Variants in KNL1 observed in about 807,000 individuals in gnomAD.
KNL1 encodes the protein outer kinetochore KNL1 complex subunit KNL1.
In KNL1, 66 loss-of-function variants were observed where a neutral mutation model predicts 201.3. The ratio of observed to expected loss-of-function variants is 0.33; its 90% CI spans 0.27 to 0.40. The LOEUF is 0.40. KNL1 is among the 10% of genes least tolerant of loss of function. The probability of loss-of-function intolerance (pLI) is 1.00; values close to 1 mark genes in which losing one functional copy is unlikely to be tolerated. For missense variants in KNL1, 2,815 were observed against 2,690.5 expected (o/e 1.05, Z -1.02); for synonymous variants, 895 against 899.2 (o/e 1.00, Z 0.08).
At chr15:40,595,883 ACT>A (rs1273272251) in intron 1 of KNL1, among the ~76,000 whole-genome samples, 2 of 152,134 alleles carry the variant, frequency 1.3e-5, no homozygotes, top group African/African-American at 4.8e-5. Flanking sequence ...GAAAATACTA[ACT>A]CTAGATATCG....
At position 40,625,481 on chromosome 15, in the gene KNL1, T is replaced by G; in HGVS notation, c.5217T>G (p.Ile1739Met). 1 of 1,613,834 alleles carries G rather than the reference T, an allele frequency of 6.2e-7. No homozygotes were observed. The highest frequency in any genetic ancestry group is 8.5e-7 in the Non-Finnish European group (1 of 1,179,966). ...TAGAAACTGAGGAAAAGGCCTTGAT[T>G]GAGACATACCAAAAAGAGATTTCAC... is the stretch of plus-strand genomic sequence containing the variant. ...INIETEEKALIETYQKEISPY... is the reference protein window; with the variant it reads ...INIETEEKALMETYQKEISPY... Residue 1739 changes from isoleucine to methionine, a missense_variant, in exon 10 of 26, where the codon ATT becomes ATG. This residue lies in a region of KNL1 where 2,464 missense variants were observed against 2,291.7 expected (regional missense o/e 1.08). Transcript: ENST00000399668.
chr15:40,607,092 G>A (rs954688945), intron 4 of KNL1, among the ~76,000 whole-genome samples: 1 of 152,152 alleles, frequency 6.6e-6, no homozygotes, highest in Non-Finnish European at 1.5e-5. Context: ...TATAGACAGG[G>A]TCTTGCTATG....
At chr15:40,658,091 C>A (rs1893786751) in intron 24 of KNL1, among the ~76,000 whole-genome samples, 1 of 151,964 alleles carries the variant, frequency 6.6e-6, no homozygotes. Flanking sequence ...TATGGTGAAA[C>A]CCCGTCTCTA....
At chr15:40,660,074 G>A (rs1248399219) in intron 25 of KNL1, among the ~76,000 whole-genome samples, 1 of 151,784 alleles carries the variant, frequency 6.6e-6, no homozygotes, top group Admixed American at 6.6e-5. Flanking sequence ...ACCACACCTA[G>A]CTAATTTTTG....
At chr15:40,615,762 C>CTT (rs746991512) in intron 8 of KNL1, 6 of 133,796 alleles carry the variant, frequency 4.5e-5, no homozygotes, top group Non-Finnish European at 6.5e-5. Context: ...GAGCTTTGTT[C>CTT]TTTTTTTTTT....
At chr15:40,645,608 C>G (rs755958895) in intron 15 of KNL1, 48 bp from the exon 16 acceptor site, 4 of 1,046,356 alleles carry the variant, frequency 3.8e-6, no homozygotes, top group South Asian at 1.6e-5. Context: ...TTTACCTCTT[C>G]TGACTCGTTT....
intron 10 of KNL1, among the ~76,000 whole-genome samples, chr15:40,626,779 C>T (rs938752236): frequency 7.2e-5 from 11 of 152,086 alleles, no homozygotes; most frequent in African/African-American, 2.4e-4. Flanking sequence ...GAGGTTTCAC[C>T]ACGTTGGCCA....
intron 21 of KNL1, among the ~76,000 whole-genome samples, chr15:40,652,656 G>A (rs1231616802): frequency 2.6e-5 from 4 of 151,210 alleles, no homozygotes; most frequent in Admixed American, 6.6e-5. Flanking sequence ...CTAGTTACTC[G>A]GGAGGCTGAG....
At chr15:40,605,656 C>T (rs1891947397) in intron 3 of KNL1, among the ~76,000 whole-genome samples, 1 of 152,106 alleles carries the variant, frequency 6.6e-6, no homozygotes, top group South Asian at 2.1e-4. Flanking sequence ...TGCCATGTTG[C>T]CCAGGCTGGT....
At chr15:40,602,326 C>CG (rs1891830497) in intron 1 of KNL1, among the ~76,000 whole-genome samples, 1 of 143,710 alleles carries the variant, frequency 7.0e-6, no homozygotes. Flanking sequence ...TCAGTAGAGA[C>CG]GGGGTTTCAC....
chr15:40,597,268 C>T (rs1031996730), intron 1 of KNL1, among the ~76,000 whole-genome samples: 2 of 151,202 alleles, frequency 1.3e-5, no homozygotes, highest in African/African-American at 2.4e-5. Context: ...TTTTTCTTTT[C>T]GAGACAGAGT....
At position 40,623,546 on chromosome 15, in the gene KNL1, G is replaced by A. The variant is rs1309544647; in HGVS notation, c.3282G>A (p.Val1094=). 1.9e-6 allele frequency: 3 copies of A among 1,613,558 alleles called. No homozygotes were observed. The highest frequency in any genetic ancestry group is 2.5e-6 in the Non-Finnish European group (3 of 1,179,920). The change falls in exon 10 of 26, where the codon GTG becomes GTA. Residue 1094 remains valine, a synonymous_variant. Transcript: ENST00000399668. The part of the protein sequence containing the change: ...NDMDITQSCM[V]EIDNESALED... ...TGGATATTACCCAGAGTTGTATGGT[G>A]GAAATAGATAACGAAAGTGCCCTGG...
At position 40,662,918 on chromosome 15, in the gene KNL1, C is replaced by G. The variant is rs1893951062; in HGVS notation, c.*730C>G. 2 of 180,682 alleles carry G rather than the reference C, an allele frequency of 1.1e-5. No individual in the cohort carries two copies. Among genetic ancestry groups the G allele is most frequent in the Non-Finnish European group, 2.4e-5 (2 of 84,666 alleles). The allele number at this position is 180,682 out of a possible 1,614,324, so 11.2% of individuals were successfully genotyped here. A position where few individuals can be genotyped will look rare whatever the true frequency, so the allele number is the denominator to read the frequency against. On this transcript the variant is annotated 3_prime_UTR_variant, in exon 26 of 26. Coordinates refer to ENST00000399668, the MANE Select transcript of KNL1 (RefSeq NM_144508.5). ...GAGGTTGCAGTAAGCCGAGACCATT[C>G]CACTGCACTCCAGCCTAGGCAACAG... is the stretch of plus-strand genomic sequence containing the variant.
At chr15:40,636,660 C>T (rs1479690299) in intron 13 of KNL1, among the ~76,000 whole-genome samples, 1 of 151,986 alleles carries the variant, frequency 6.6e-6, no homozygotes, top group African/African-American at 2.4e-5. Context: ...GAAACCCCCC[C>T]TCTACCAAAA....
Position 40,616,704 on chromosome 15 carries a change from A to G in KNL1, c.322+1326A>G, listed in dbSNP as rs569139461. ...TTCTTATCCTTCCAATCCATTCTCCATATTTCTAAATTTGATTATGTTACC... is the reference window on the plus strand; with the variant it reads ...TTCTTATCCTTCCAATCCATTCTCCGTATTTCTAAATTTGATTATGTTACC... On this transcript the variant is annotated intron_variant, in intron 8 of 25. Transcript: ENST00000399668. Among the ~76,000 whole-genome samples, 130 of 152,158 alleles carry G rather than the reference A, an allele frequency of 8.5e-4. 2 individuals are homozygous for G. The South Asian group carries it at 0.026, about 31-fold the overall frequency.
At chr15:40,640,089 T>A (rs1444700520) in intron 13 of KNL1, among the ~76,000 whole-genome samples, 2 of 150,224 alleles carry the variant, frequency 1.3e-5, no homozygotes, top group Non-Finnish European at 3.0e-5. Context: ...TTTTTTCTTT[T>A]TTTCTTTTCT....
chr15:40,631,718 A>G (rs893291603), intron 13 of KNL1, among the ~76,000 whole-genome samples: 1 of 152,134 alleles, frequency 6.6e-6, no homozygotes, highest in African/African-American at 2.4e-5. Flanking sequence ...GTTGGAGAGG[A>G]TAAATCCAGG....
In KNL1 at chr15:40,650,591, T is replaced by C. The variant is rs1233641824; in HGVS notation, c.6212+8T>C. On this transcript the variant is annotated splice_region_variant and intron_variant, in intron 19 of 25. Transcript: ENST00000399668. ...AGAAGAGGAGCTTCAAAGGTCAGCC[T>C]TCAATCCAAGTGTTAGAAAATATAA... 1.3e-6 allele frequency: 2 copies of C among 1,559,326 alleles called. No individual in the cohort carries two copies. Among genetic ancestry groups the C allele is most frequent in the Admixed American group, 4.4e-5 (2 of 45,394 alleles).
intron 13 of KNL1, among the ~76,000 whole-genome samples, chr15:40,633,664 C>T (rs1215328499): frequency 1.3e-5 from 2 of 151,984 alleles, no homozygotes; most frequent in African/African-American, 4.8e-5. Context: ...CCTCAGCCTC[C>T]CAAGTAGCTA....
Sources: allele counts gnomAD v4.1 joint callset (sites outside exome capture counted in the v4.1 genomes callset), GRCh38; gene constraint gnomAD v4.1.1; regional missense constraint gnomAD v4.1.1; transcripts MANE v1.5; gene names NCBI Gene and HGNC (gene_info 2026-07-23, HGNC 2026-07-21).